The following DIP2C variants were observed in gnomAD, a reference collection of about 807,000 sequenced individuals.
DIP2C encodes disco-interacting protein 2 homolog C.
DIP2C carries 33 observed loss-of-function variants against 192.4 expected under a neutral mutation model. The observed-to-expected ratio is 0.17, with a 90% confidence interval of 0.13 to 0.23. The LOEUF is 0.23. DIP2C is among the 10% of genes least tolerant of loss of function. DIP2C has a pLI of 1.00. For missense variants in DIP2C, 1,537 were observed against 2,110.1 expected, an observed-to-expected ratio of 0.73 and a Z score of 5.32; for synonymous variants, 979 against 864.1, an observed-to-expected ratio of 1.13 and a Z score of -2.33.
intron 1 of DIP2C, among the ~76,000 whole-genome samples, chr10:512,119 C>T (rs372790702): frequency 6.6e-6 from 1 of 152,250 alleles, no homozygotes; most frequent in Non-Finnish European, 1.5e-5. Flanking sequence ...GTCAACCTTC[C>T]TAAGCAATGT....
At chr10:505,147 G>A (rs1216334493) in intron 1 of DIP2C, among the ~76,000 whole-genome samples, 6 of 152,128 alleles carry the variant, frequency 3.9e-5, no homozygotes, top group African/African-American at 7.2e-5. Flanking sequence ...TACAGAAAAC[G>A]GCAACGGGTC....
At chr10:400,007 T>G (rs961755088) in intron 9 of DIP2C, among the ~76,000 whole-genome samples, 2 of 152,252 alleles carry the variant, frequency 1.3e-5, no homozygotes. Flanking sequence ...GTGTGGTTAA[T>G]GTAAATTACC....
At chr10:464,823 C>G (rs1040990051) in intron 3 of DIP2C, among the ~76,000 whole-genome samples, 2 of 151,994 alleles carry the variant, frequency 1.3e-5, no homozygotes, top group Non-Finnish European at 2.9e-5. Flanking sequence ...TACTCTCTCC[C>G]AAGACTAAAC....
intron 18 of DIP2C, among the ~76,000 whole-genome samples, chr10:367,820 T>C (rs573737555): frequency 6.6e-6 from 1 of 152,356 alleles, no homozygotes. Context: ...TACGCAGTAC[T>C]CCATCATGAC....
chr10:327,927 C>A (rs1168816316), intron 30 of DIP2C, among the ~76,000 whole-genome samples: 1 of 152,194 alleles, frequency 6.6e-6, no homozygotes, highest in Non-Finnish European at 1.5e-5. Flanking sequence ...AAGCTCAGCT[C>A]ACTCTGTGGC....
rs202022109 is a variant in DIP2C at position 382,712 on chromosome 10, G to A, written c.1926C>T (p.Gly642=). ...AAGGACAGATGACCTCCTGTCGAAG[G>A]CCTTTACTTTGGAAGACATTGAGAA... ...DAFLNVFQSK[G]LRQEVICPCA... The change falls in exon 17 of 37, where the codon GGC becomes GGT. Residue 642 remains glycine (G), a synonymous_variant. Coordinates refer to ENST00000280886, the MANE Select transcript of DIP2C (RefSeq NM_014974.3). The A allele has an allele frequency of 5.8e-5, 94 of 1,613,850 alleles. No individual in the cohort carries two copies. Among genetic ancestry groups the A allele is most frequent in the Middle Eastern group, 1.6e-4 (1 of 6,062 alleles).
chr10:463,012 C>T (rs1041178752), intron 3 of DIP2C, among the ~76,000 whole-genome samples: 1 of 152,146 alleles, frequency 6.6e-6, no homozygotes, highest in Non-Finnish European at 1.5e-5. Context: ...TGATGGAACA[C>T]ATCTCAAAAT....
At chr10:583,599 C>T (rs924490267) in intron 1 of DIP2C, among the ~76,000 whole-genome samples, 1 of 152,242 alleles carries the variant, frequency 6.6e-6, no homozygotes, top group Non-Finnish European at 1.5e-5. Flanking sequence ...CTGGGCCTCG[C>T]TTTCTGCACT....
Position 492,648 on chromosome 10 carries a change from G to A in DIP2C, c.86-6118C>T, listed in dbSNP as rs528148080. Among the ~76,000 whole-genome samples, 4 of 152,302 alleles carry A rather than the reference G, an allele frequency of 2.6e-5. No individual in the cohort carries two copies. The East Asian group carries it at 5.8e-4, about 22-fold the overall frequency. Reference sequence around the variant, plus strand: ...CACAAATATTTAATTAACGGTAGGAGCAGGAAAGAAACACATTTTAGACAT... The same window carrying A: ...CACAAATATTTAATTAACGGTAGGAACAGGAAAGAAACACATTTTAGACAT... On this transcript the variant is annotated intron_variant, in intron 1 of 36. Transcript: ENST00000280886.
At chr10:339,826 C>A (rs1032691353) in intron 29 of DIP2C, among the ~76,000 whole-genome samples, 1 of 152,080 alleles carries the variant, frequency 6.6e-6, no homozygotes, top group Non-Finnish European at 1.5e-5. Context: ...TTCAAAAATA[C>A]AGAATTACAT....
intron 1 of DIP2C, among the ~76,000 whole-genome samples, chr10:546,295 G>A (rs1334303980): frequency 5.8e-5 from 8 of 137,276 alleles, no homozygotes; most frequent in African/African-American, 1.6e-4. Flanking sequence ...AAAAAAAAAA[G>A]TAACAAATTT....
At chr10:292,609 C>A (rs1955546589) in intron 32 of DIP2C, among the ~76,000 whole-genome samples, 1 of 152,216 alleles carries the variant, frequency 6.6e-6, no homozygotes, top group Non-Finnish European at 1.5e-5. Flanking sequence ...TGGCGCCGTG[C>A]AACCGAGTGG....
At chr10:622,719 C>T (rs369581645) in intron 1 of DIP2C, among the ~76,000 whole-genome samples, 41 of 152,184 alleles carry the variant, frequency 2.7e-4, no homozygotes, top group Non-Finnish European at 3.7e-4. Context: ...ACCACAGTAA[C>T]GTCAAACTCA....
intron 4 of DIP2C, among the ~76,000 whole-genome samples, chr10:423,663 T>A (rs771174256): frequency 2.0e-5 from 3 of 152,310 alleles, no homozygotes; most frequent in African/African-American, 7.2e-5. Context: ...TAGATACCGA[T>A]GCACCTGATT....
chr10:529,325 G>A (rs966961255), intron 1 of DIP2C, among the ~76,000 whole-genome samples: 5 of 149,452 alleles, frequency 3.3e-5, no homozygotes, highest in African/African-American at 1.3e-4. Context: ...AGCTGAAAGT[G>A]CTCTGTCCTA....
intron 1 of DIP2C, among the ~76,000 whole-genome samples, chr10:545,166 C>CGTTT (rs1554896881): frequency 1.2e-5 from 1 of 86,336 alleles, no homozygotes; most frequent in Non-Finnish European, 2.1e-5. Context: ...GGTGTTTTCC[C>CGTTT]TTTTTTTTTT....
At chr10:318,432 T>C (rs543869448) in intron 31 of DIP2C, among the ~76,000 whole-genome samples, 1 of 152,280 alleles carries the variant, frequency 6.6e-6, no homozygotes, top group East Asian at 1.9e-4. Context: ...AATGCCATGC[T>C]GGTGGGGAAG....
intron 32 of DIP2C, among the ~76,000 whole-genome samples, chr10:304,505 C>A (rs866892104): frequency 6.6e-6 from 1 of 152,134 alleles, no homozygotes; most frequent in Non-Finnish European, 1.5e-5. Flanking sequence ...GAACTCTGGC[C>A]CCCTCCCAGC....
chr10:288,880 CAG>C (rs1955310412), intron 32 of DIP2C, among the ~76,000 whole-genome samples: 1 of 152,192 alleles, frequency 6.6e-6, no homozygotes, highest in African/African-American at 2.4e-5. Context: ...GCCACAGGAG[CAG>C]AGAGAATTGC....
Sources: allele counts gnomAD v4.1 joint callset (sites outside exome capture counted in the v4.1 genomes callset), GRCh38; gene constraint gnomAD v4.1.1; transcripts MANE v1.5; gene names NCBI Gene and HGNC (gene_info 2026-07-23, HGNC 2026-07-21).